The following CLNK variants were observed in gnomAD, a reference collection of about 807,000 sequenced individuals.
CLNK encodes cytokine dependent hematopoietic cell linker, also known as cytokine-dependent hematopoietic cell linker.
In CLNK, 74 loss-of-function variants were observed where a neutral mutation model predicts 68.6. The observed-to-expected ratio is 1.08, with a 90% confidence interval of 0.89 to 1.31. The LOEUF is 1.31. CLNK is among the 50% of genes most tolerant of loss of function. CLNK has a pLI of 0.00. For missense variants in CLNK, 553 were observed against 515.3 expected (o/e 1.07, Z -0.71); for synonymous variants, 198 against 172.2 (o/e 1.15, Z -1.17).
In CLNK at chr4:10,575,365, G is replaced by A. The variant is rs79220534; in HGVS notation, c.113-3587C>T. Among the ~76,000 whole-genome samples, 527 of 152,268 alleles carry A rather than the reference G, an allele frequency of 3.5e-3. 2 individuals are homozygous for A. Among genetic ancestry groups the A allele is most frequent in the African/African-American group, 0.012 (508 of 41,564 alleles). On this transcript the variant is annotated intron_variant, in intron 4 of 18. Coordinates refer to ENST00000226951, the MANE Select transcript of CLNK (RefSeq NM_052964.4). Reference sequence around the variant, plus strand: ...CTCTGTCTAGAGCCCTCTTTTCTTGGCTCTGCCCATGCCTGGATCTTTGTC... The same window carrying A: ...CTCTGTCTAGAGCCCTCTTTTCTTGACTCTGCCCATGCCTGGATCTTTGTC...
At position 10,494,793 on chromosome 4, in the gene CLNK, G is replaced by A. The variant is rs115304288; in HGVS notation, c.1141-4180C>T. ...CTTATTATTGGTTTCTAATGATGGG[G>A]TCAAAATTGAAATATTGCCCTGAAG... On this transcript the variant is annotated intron_variant, in intron 18 of 18. Coordinates refer to ENST00000226951, the MANE Select transcript of CLNK (RefSeq NM_052964.4). 4.3e-3 allele frequency among the ~76,000 whole-genome samples: 658 copies of A among 152,180 alleles called. 7 individuals are homozygous for A. Among genetic ancestry groups the A allele is most frequent in the African/African-American group, 0.015 (621 of 41,520 alleles).
At chr4:10,608,631 T>G (rs1278712354) in intron 2 of CLNK, among the ~76,000 whole-genome samples, 1 of 152,196 alleles carries the variant, frequency 6.6e-6, no homozygotes, top group African/African-American at 2.4e-5. Flanking sequence ...TCCTTAACAA[T>G]GACGAAAATT....
At chr4:10,630,255 A>G (rs920712415) in intron 2 of CLNK, among the ~76,000 whole-genome samples, 6 of 152,322 alleles carry the variant, frequency 3.9e-5, no homozygotes, top group African/African-American at 1.2e-4. Context: ...TTGCCTTTCT[A>G]TAGTACATGA....
intron 8 of CLNK, among the ~76,000 whole-genome samples, chr4:10,550,127 C>T (rs987610196): frequency 1.3e-5 from 2 of 152,226 alleles, no homozygotes; most frequent in Admixed American, 1.3e-4. Flanking sequence ...GTGGCTGCTG[C>T]CAGCTTGCAA....
the CLNK span, among the ~76,000 whole-genome samples, chr4:10,704,221 C>T: frequency 6.6e-6 from 1 of 152,128 alleles, no homozygotes; most frequent in African/African-American, 2.4e-5. Flanking sequence ...TAAGTCGTTG[C>T]AATCCATCTT....
chr4:10,655,101 GAAAAAAA>G (rs748148319), intron 2 of CLNK, among the ~76,000 whole-genome samples: 25 of 72,824 alleles, frequency 3.4e-4, no homozygotes, highest in South Asian at 5.3e-4. Flanking sequence ...ACACCGACTC[GAAAAAAA>G]AAAAAAAAAA....
chr4:10,672,532 CTT>C (rs1724688734), intron 1 of CLNK, among the ~76,000 whole-genome samples: 1 of 152,138 alleles, frequency 6.6e-6, no homozygotes, highest in Non-Finnish European at 1.5e-5. Flanking sequence ...CCTTATATCA[CTT>C]TAAGTGCCTT....
chr4:10,576,473 C>G (rs1720569055), intron 4 of CLNK, among the ~76,000 whole-genome samples: 1 of 152,168 alleles, frequency 6.6e-6, no homozygotes, highest in Non-Finnish European at 1.5e-5. Flanking sequence ...AACAATGTCC[C>G]TTTGAAAGTT....
intron 1 of CLNK, among the ~76,000 whole-genome samples, chr4:10,678,594 T>C (rs892019161): frequency 6.6e-6 from 1 of 152,174 alleles, no homozygotes; most frequent in Non-Finnish European, 1.5e-5. Flanking sequence ...CACCTTAAAA[T>C]AGAACTTCTT....
At chr4:10,518,841 C>G (rs1414166072) in intron 15 of CLNK, among the ~76,000 whole-genome samples, 1 of 152,184 alleles carries the variant, frequency 6.6e-6, no homozygotes, top group African/African-American at 2.4e-5. Flanking sequence ...CATTAGAGAG[C>G]TCATCAGACT....
intron 18 of CLNK, among the ~76,000 whole-genome samples, chr4:10,500,744 G>A (rs1224785542): frequency 6.6e-6 from 1 of 151,972 alleles, no homozygotes; most frequent in Non-Finnish European, 1.5e-5. Flanking sequence ...CTTTCTTGTG[G>A]ATTGATTTAT....
At chr4:10,585,596 C>T (rs1042312930) in intron 3 of CLNK, among the ~76,000 whole-genome samples, 16 of 152,194 alleles carry the variant, frequency 1.1e-4, no homozygotes, top group Non-Finnish European at 4.4e-5. Context: ...ATTCTCAAAC[C>T]ATTCATTGGC....
chr4:10,508,075 T>C (rs2868941), intron 16 of CLNK, 39 bp from the exon 17 acceptor site: 1,089,526 of 1,494,322 alleles, frequency 0.73, 398,210 homozygotes, highest in African/African-American at 0.84. Flanking sequence ...TTAGGGTCAA[T>C]GGGAAGTATG....
At chr4:10,542,446 T>C (rs752889667) in intron 8 of CLNK, among the ~76,000 whole-genome samples, 166 bp from the exon 9 acceptor site, 16 of 152,174 alleles carry the variant, frequency 1.1e-4, no homozygotes, top group Non-Finnish European at 1.6e-4. Flanking sequence ...CTAAACTCTT[T>C]AGTTACGTGG....
At chr4:10,725,933 G>C in the CLNK span, among the ~76,000 whole-genome samples, 3 of 152,128 alleles carry the variant, frequency 2.0e-5, no homozygotes, top group Non-Finnish European at 2.9e-5. Context: ...AGTTTGCCAG[G>C]CATGTTGTAT....
At chr4:10,730,271 T>C in the CLNK span, among the ~76,000 whole-genome samples, 2 of 152,152 alleles carry the variant, frequency 1.3e-5, no homozygotes, top group Non-Finnish European at 2.9e-5. Context: ...CCTGCAGTTT[T>C]CCCCCATTTC....
At position 10,516,843 on chromosome 4, in the gene CLNK, G is replaced by A. The variant is rs116388290; in HGVS notation, c.773-3246C>T. 3.9e-3 allele frequency among the ~76,000 whole-genome samples: 591 copies of A among 152,244 alleles called. 5 individuals carry two copies. Among genetic ancestry groups the A allele is most frequent in the African/African-American group, 0.013 (557 of 41,560 alleles). On this transcript the variant is annotated intron_variant, in intron 15 of 18. Coordinates refer to ENST00000226951, the MANE Select transcript of CLNK (RefSeq NM_052964.4). ...TGGGATTATAGGCGTGAGCCACCAC[G>A]CCTGGCCAGGATTGTAGCTTTTAAT... is the stretch of plus-strand genomic sequence containing the variant.
chr4:10,627,061 G>T (rs1313005538), intron 2 of CLNK, among the ~76,000 whole-genome samples: 1 of 152,120 alleles, frequency 6.6e-6, no homozygotes, highest in Non-Finnish European at 1.5e-5. Context: ...CGGTGTCCAG[G>T]GCAGCTTTCC....
the CLNK span, among the ~76,000 whole-genome samples, chr4:10,690,378 T>C: frequency 6.6e-6 from 1 of 152,164 alleles, no homozygotes; most frequent in African/African-American, 2.4e-5. Context: ...TTTGTATTGA[T>C]TTCCTAGCCT....
Sources: allele counts gnomAD v4.1 joint callset (sites outside exome capture counted in the v4.1 genomes callset), GRCh38; gene constraint gnomAD v4.1.1; transcripts MANE v1.5; gene names NCBI Gene and HGNC (gene_info 2026-07-23, HGNC 2026-07-21).